The following IKZF3 variants were observed in gnomAD, a reference collection of about 807,000 sequenced individuals.
The protein encoded by IKZF3 is IKAROS family zinc finger 3.
A neutral mutation model predicts 49.0 loss-of-function variants in IKZF3; 10 were observed. The ratio of observed to expected loss-of-function variants is 0.20; its 90% CI spans 0.13 to 0.35. The LOEUF is 0.35. Ranked by LOEUF, IKZF3 falls within the 10% of genes least tolerant of loss-of-function variation. IKZF3 has a pLI of 1.00. For missense variants in IKZF3, 498 were observed against 664.8 expected, an observed-to-expected ratio of 0.75 and a Z score of 2.76; for synonymous variants, 209 against 228.2, an observed-to-expected ratio of 0.92 and a Z score of 0.76.
In IKZF3 at chr17:39,765,498, T is replaced by G. The variant is rs1045722590; in HGVS notation, c.*292A>C. Reference sequence around the variant, plus strand: ...TCATATAGCACATCTCCGGGACCACTCATTCCACTGCTGTAGAAGATAATG... The same window carrying G: ...TCATATAGCACATCTCCGGGACCACGCATTCCACTGCTGTAGAAGATAATG... On this transcript the variant is annotated 3_prime_UTR_variant, in exon 8 of 8. Coordinates refer to ENST00000346872, the MANE Select transcript of IKZF3 (RefSeq NM_012481.5). 9 of 298,484 alleles carry G rather than the reference T, an allele frequency of 3.0e-5. No homozygotes were observed. The highest frequency in any genetic ancestry group is 5.6e-5 in the Non-Finnish European group (9 of 159,424). The allele number at this position is 298,484 out of a possible 1,614,324, so 18.5% of individuals were successfully genotyped here.
intron 7 of IKZF3, among the ~76,000 whole-genome samples, chr17:39,774,387 G>C (rs2060524996): frequency 6.6e-6 from 1 of 152,034 alleles, no homozygotes; most frequent in Admixed American, 6.5e-5. Flanking sequence ...GGAGAGGAGG[G>C]AAGAGGAGGG....
chr17:39,847,465 G>A (rs1005114343), intron 1 of IKZF3, among the ~76,000 whole-genome samples: 2 of 152,048 alleles, frequency 1.3e-5, no homozygotes, highest in Non-Finnish European at 2.9e-5. Flanking sequence ...AAAAACTCTA[G>A]TAGTTAAAAG....
chr17:39,801,820 TTA>T (rs2061324606), intron 3 of IKZF3, among the ~76,000 whole-genome samples: 2 of 152,194 alleles, frequency 1.3e-5, no homozygotes, highest in South Asian at 4.1e-4. Context: ...ATAAAATCTA[TTA>T]TGTTTTCTTT....
At chr17:39,855,073 G>A (rs570290148) in intron 1 of IKZF3, among the ~76,000 whole-genome samples, 25 of 152,298 alleles carry the variant, frequency 1.6e-4, no homozygotes, top group African/African-American at 6.0e-4. Flanking sequence ...TTTTCAAAAT[G>A]TGTTTTATGG....
chr17:39,817,459 G>C (rs770909880), intron 3 of IKZF3, among the ~76,000 whole-genome samples: 15 of 151,948 alleles, frequency 9.9e-5, no homozygotes, highest in Non-Finnish European at 2.1e-4. Context: ...ATGGAGTCTT[G>C]CTATATTGCC....
chr17:39,767,795 G>A (rs2060332642), intron 7 of IKZF3, among the ~76,000 whole-genome samples: 1 of 152,160 alleles, frequency 6.6e-6, no homozygotes, highest in Non-Finnish European at 1.5e-5. Flanking sequence ...GGGCGCGGTG[G>A]CTCAGGCCTG....
intron 3 of IKZF3, among the ~76,000 whole-genome samples, chr17:39,824,916 C>T (rs1026208255): frequency 2.6e-5 from 4 of 152,060 alleles, no homozygotes; most frequent in East Asian, 1.9e-4. Flanking sequence ...AGGATGATCT[C>T]GATCTCCTGA....
chr17:39,768,292 GA>G (rs2060345857), intron 7 of IKZF3, among the ~76,000 whole-genome samples: 1 of 152,238 alleles, frequency 6.6e-6, no homozygotes, highest in South Asian at 2.1e-4. Flanking sequence ...TAAATTTTGA[GA>G]AGGGTCTTGA....
At chr17:39,824,913 T>C (rs753845799) in intron 3 of IKZF3, among the ~76,000 whole-genome samples, 26 of 152,124 alleles carry the variant, frequency 1.7e-4, no homozygotes, top group Admixed American at 3.3e-4. Context: ...GCCAGGATGA[T>C]CTCGATCTCC....
chr17:39,789,582 G>A (rs940674934), intron 5 of IKZF3, among the ~76,000 whole-genome samples: 2 of 151,768 alleles, frequency 1.3e-5, no homozygotes, highest in Non-Finnish European at 2.9e-5. Flanking sequence ...AACAAAATTA[G>A]CCGGGCGTCG....
intron 1 of IKZF3, among the ~76,000 whole-genome samples, chr17:39,856,049 T>TATATGTACAATATAACATGTATATTGC (rs2063040901): frequency 7.4e-6 from 1 of 134,482 alleles, no homozygotes; most frequent in South Asian, 2.2e-4. Flanking sequence ...ATGTATATTG[T>TATATGTACAATATAACATGTATATTGC]ATATGTACAA....
chr17:39,835,046 G>T, intron 1 of IKZF3: 1 of 409,522 alleles, frequency 2.4e-6, no homozygotes, highest in Non-Finnish European at 4.7e-6. Flanking sequence ...CCCTAGAGAA[G>T]CAGGCACAGC....
chr17:39,842,048 AAAAAAAAAAAAC>A (rs1476661827), intron 1 of IKZF3, among the ~76,000 whole-genome samples: 4 of 148,034 alleles, frequency 2.7e-5, no homozygotes, highest in African/African-American at 7.5e-5. Context: ...AAAAAAAAAA[AAAAAAAAAAAAC>A]CAGATAAAAT....
intron 6 of IKZF3, 133 bp from the exon 7 acceptor site, chr17:39,777,900 A>G (rs765349290): frequency 7.1e-6 from 10 of 1,408,436 alleles, no homozygotes; most frequent in Non-Finnish European, 9.2e-6. Context: ...ATAACTGCTC[A>G]GATTCTTGCC....
At chr17:39,851,622 G>A (rs982629005) in intron 1 of IKZF3, among the ~76,000 whole-genome samples, 9 of 152,074 alleles carry the variant, frequency 5.9e-5, no homozygotes, top group African/African-American at 2.2e-4. Context: ...TATCTATGAG[G>A]ATACAAGTCT....
intron 3 of IKZF3, among the ~76,000 whole-genome samples, chr17:39,826,776 G>T (rs1253090316): frequency 6.6e-6 from 1 of 152,182 alleles, no homozygotes; most frequent in Non-Finnish European, 1.5e-5. Flanking sequence ...CAGGATGGGG[G>T]ATGCTACAGC....
rs567027441 is a variant in IKZF3, at chr17:39,828,950, G to A, written c.163+437C>T. 6.6e-5 allele frequency among the ~76,000 whole-genome samples: 10 copies of A among 152,108 alleles called. No individual in the cohort carries two copies. The East Asian group carries it at 1.2e-3, about 18-fold the overall frequency. The stretch of plus-strand genomic sequence containing the variant: ...TGGGAGGCGGAGGTTGCAGTGAGCC[G>A]AGATTGCGCCACTGCACTCTGGCCT... On this transcript the variant is annotated intron_variant, in intron 3 of 7. Coordinates refer to ENST00000346872, the MANE Select transcript of IKZF3 (RefSeq NM_012481.5).
intron 3 of IKZF3, among the ~76,000 whole-genome samples, chr17:39,810,064 T>C (rs1188848514): frequency 2.0e-5 from 3 of 152,216 alleles, no homozygotes; most frequent in African/African-American, 7.2e-5. Flanking sequence ...CACATGCCCA[T>C]AAACACGAAA....
chr17:39,802,226 A>C (rs1404994217), intron 3 of IKZF3, among the ~76,000 whole-genome samples: 3 of 149,706 alleles, frequency 2.0e-5, no homozygotes, highest in Non-Finnish European at 4.5e-5. Context: ...CATCTCAAAA[A>C]AAAAAAAAAA....
Sources: allele counts gnomAD v4.1 joint callset (sites outside exome capture counted in the v4.1 genomes callset), GRCh38; gene constraint gnomAD v4.1.1; transcripts MANE v1.5; gene names NCBI Gene and HGNC (gene_info 2026-07-23, HGNC 2026-07-21).